The following KCNH7 variants were observed in gnomAD, a reference collection of about 807,000 sequenced individuals.
The protein encoded by KCNH7 is voltage-gated inwardly rectifying potassium channel KCNH7.
Under a neutral mutation model 120.8 loss-of-function variants are expected in KCNH7, and 49 were observed. That is an observed-to-expected ratio of 0.41 (90% CI 0.32 to 0.51). The LOEUF (loss-of-function observed/expected upper bound fraction) is 0.51, where lower values mean the gene tolerates loss of function less well. Ranked by LOEUF, KCNH7 falls within the 20% of genes least tolerant of loss-of-function variation. The pLI, the probability that KCNH7 is intolerant of heterozygous loss-of-function variation, is 0.38. For synonymous variants in KCNH7, 547 were observed against 516.1 expected (o/e 1.06, Z -0.81); for missense variants, 1,097 against 1,446.6 (o/e 0.76, Z 3.92).
chr2:162,505,447 A>G (rs1428652945), intron 5 of KCNH7, among the ~76,000 whole-genome samples: 1 of 152,066 alleles, frequency 6.6e-6, no homozygotes, highest in South Asian at 2.1e-4. Context: ...GTAATAGGGC[A>G]TGCCTGGGGT....
chr2:162,715,329 G>T (rs1260881808), intron 2 of KCNH7, among the ~76,000 whole-genome samples: 1 of 152,110 alleles, frequency 6.6e-6, no homozygotes, highest in Admixed American at 6.6e-5. Context: ...TCTTGAGAGA[G>T]CTCACTGTCA....
chr2:162,589,654 T>A (rs938594543), intron 2 of KCNH7, among the ~76,000 whole-genome samples: 1 of 152,056 alleles, frequency 6.6e-6, no homozygotes, highest in African/African-American at 2.4e-5. Context: ...AGCTTCATCA[T>A]GCATTTCATG....
At chr2:162,636,954 C>A (rs75469272) in intron 2 of KCNH7, among the ~76,000 whole-genome samples, 4,207 of 152,122 alleles carry the variant, frequency 0.028, 204 homozygotes, top group African/African-American at 0.097. Context: ...TGGCTGCTTG[C>A]CACCACCCTC....
intron 6 of KCNH7, among the ~76,000 whole-genome samples, chr2:162,470,769 G>A (rs13409653): frequency 0.074 from 11,215 of 152,282 alleles, 1,314 homozygotes; most frequent in African/African-American, 0.25. Flanking sequence ...TTGAGAACAG[G>A]CCATGATGAC....
chr2:162,541,198 A>G (rs1005774655), intron 2 of KCNH7, among the ~76,000 whole-genome samples: 5 of 152,108 alleles, frequency 3.3e-5, no homozygotes, highest in East Asian at 1.9e-4. Flanking sequence ...AGTTAAGTTC[A>G]GGGATTGGCC....
intron 2 of KCNH7, among the ~76,000 whole-genome samples, chr2:162,621,206 T>A (rs1394799047): frequency 6.6e-6 from 1 of 151,818 alleles, no homozygotes; most frequent in Non-Finnish European, 1.5e-5. Flanking sequence ...TTTTGTGATT[T>A]TTTTTTGTTT....
intron 2 of KCNH7, among the ~76,000 whole-genome samples, chr2:162,566,307 G>A (rs1243335773): frequency 1.3e-5 from 2 of 151,990 alleles, no homozygotes; most frequent in African/African-American, 4.8e-5. Flanking sequence ...GTAAAGCATG[G>A]TCGCTTTTCA....
At chr2:162,663,818 T>C (rs1490447029) in intron 2 of KCNH7, among the ~76,000 whole-genome samples, 3 of 152,174 alleles carry the variant, frequency 2.0e-5, no homozygotes, top group Admixed American at 6.5e-5. Context: ...AATTGAGCTA[T>C]GTAAATTGTT....
chr2:162,664,418 T>C (rs1685068061), intron 2 of KCNH7, among the ~76,000 whole-genome samples: 1 of 152,286 alleles, frequency 6.6e-6, no homozygotes, highest in East Asian at 1.9e-4. Flanking sequence ...GGATATCTTT[T>C]ATTCTTTGTC....
intron 2 of KCNH7, among the ~76,000 whole-genome samples, chr2:162,643,534 C>A (rs541233012): frequency 6.6e-6 from 1 of 151,716 alleles, no homozygotes; most frequent in East Asian, 1.9e-4. Context: ...AACCGCCGGG[C>A]GAGGTGGCTC....
chr2:162,811,026 T>C (rs1684715573), intron 2 of KCNH7, among the ~76,000 whole-genome samples: 1 of 152,152 alleles, frequency 6.6e-6, no homozygotes, highest in Admixed American at 6.6e-5. Context: ...TGAATTCAAT[T>C]TGACATAATG....
intron 14 of KCNH7, 23 bp downstream of exon 14, chr2:162,379,830 C>T: frequency 2.5e-6 from 4 of 1,611,584 alleles, no homozygotes; most frequent in African/African-American, 1.3e-5. Flanking sequence ...TTATGTTCTC[C>T]TTTTGCCCAT....
At chr2:162,816,257 CAAAAAAAAAAA>C (rs10599191) in intron 2 of KCNH7, among the ~76,000 whole-genome samples, 2 of 59,988 alleles carry the variant, frequency 3.3e-5, no homozygotes, top group Non-Finnish European at 5.9e-5. Flanking sequence ...AACTCCATCT[CAAAAAAAAAAA>C]AAAAAAAAAA....
chr2:162,423,008 T>C (rs886883766), intron 9 of KCNH7, among the ~76,000 whole-genome samples: 2 of 152,142 alleles, frequency 1.3e-5, no homozygotes, highest in Admixed American at 1.3e-4. Flanking sequence ...CAACTATTTT[T>C]TGGGGGTGTT....
At chr2:162,492,725 T>C (rs1441290617) in intron 6 of KCNH7, among the ~76,000 whole-genome samples, 1 of 152,142 alleles carries the variant, frequency 6.6e-6, no homozygotes, top group Admixed American at 6.5e-5. Flanking sequence ...GCCAGAAATA[T>C]TGGCCGCTTT....
At chr2:162,672,033 T>C (rs1306312594) in intron 2 of KCNH7, among the ~76,000 whole-genome samples, 1 of 152,046 alleles carries the variant, frequency 6.6e-6, no homozygotes, top group Non-Finnish European at 1.5e-5. Context: ...GTAACTAACA[T>C]ATACTTCAAT....
chr2:162,534,570 T>A (rs188765647), intron 3 of KCNH7, among the ~76,000 whole-genome samples: 6 of 151,688 alleles, frequency 4.0e-5, no homozygotes, highest in African/African-American at 1.4e-4. Context: ...ATAATTTGAG[T>A]AGACCATTAT....
chr2:162,532,106 C>A (rs1045661708), intron 3 of KCNH7, among the ~76,000 whole-genome samples: 1 of 151,742 alleles, frequency 6.6e-6, no homozygotes, highest in Non-Finnish European at 1.5e-5. Flanking sequence ...TAAAAGTACC[C>A]GTAAACCATG....
At chr2:162,699,425 C>T (rs1686409890) in intron 2 of KCNH7, among the ~76,000 whole-genome samples, 1 of 152,010 alleles carries the variant, frequency 6.6e-6, no homozygotes, top group East Asian at 1.9e-4. Context: ...CATCCTCATT[C>T]CCCAATAAAT....
Sources: gnomAD v4.1 joint callset for allele counts (sites outside exome capture counted in the v4.1 genomes callset) on GRCh38, gnomAD v4.1.1 for gene constraint, MANE v1.5 for transcripts, NCBI Gene and HGNC (gene_info 2026-07-23, HGNC 2026-07-21) for gene names.